SLC25A13: variants seen among roughly 807,000 people sequenced by gnomAD.
SLC25A13 encodes the protein electrogenic aspartate/glutamate antiporter SLC25A13, mitochondrial.
SLC25A13 carries 70 observed loss-of-function variants against 85.5 expected under a neutral mutation model. The ratio of observed to expected loss-of-function variants is 0.82; its 90% CI spans 0.68 to 1.00. SLC25A13 has a LOEUF of 1.00. Among genes scored for constraint, SLC25A13 ranks in the 50% least tolerant of loss-of-function variants. The pLI, the probability that SLC25A13 is intolerant of heterozygous loss-of-function variation, is 0.00. For synonymous variants in SLC25A13, 259 were observed against 288.7 expected (o/e 0.90, Z 1.04); for missense variants, 765 against 819.8 (o/e 0.93, Z 0.82).
At chr7:96,304,255 A>G (rs1302976013) in intron 1 of SLC25A13, among the ~76,000 whole-genome samples, 3 of 152,200 alleles carry the variant, frequency 2.0e-5, no homozygotes, top group African/African-American at 7.2e-5. Flanking sequence ...CTATGTAATC[A>G]GCTGGCAAAA....
At chr7:96,219,104 C>T (rs1304416854) in intron 4 of SLC25A13, among the ~76,000 whole-genome samples, 1 of 152,148 alleles carries the variant, frequency 6.6e-6, no homozygotes, top group African/African-American at 2.4e-5. Flanking sequence ...TTAATCACAG[C>T]TAAGGGTCTG....
chr7:96,183,956 T>C (rs1055109829), intron 11 of SLC25A13, among the ~76,000 whole-genome samples: 1 of 152,338 alleles, frequency 6.6e-6, no homozygotes, highest in East Asian at 1.9e-4. Flanking sequence ...TACCTTTCCC[T>C]GTTAGCTGGA....
chr7:96,312,574 G>C (rs1244422450), intron 1 of SLC25A13, among the ~76,000 whole-genome samples: 3 of 152,142 alleles, frequency 2.0e-5, no homozygotes, highest in Admixed American at 6.5e-5. Flanking sequence ...TGAGCTTCTT[G>C]AAAACAAATC....
intron 1 of SLC25A13, among the ~76,000 whole-genome samples, chr7:96,305,160 A>C (rs144572453): frequency 1.3e-5 from 2 of 152,198 alleles, no homozygotes; most frequent in African/African-American, 2.4e-5. Flanking sequence ...AAGCTGAGGT[A>C]CTAAAGAGTC....
At chr7:96,260,396 C>G (rs548478512) in intron 3 of SLC25A13, among the ~76,000 whole-genome samples, 9 of 152,102 alleles carry the variant, frequency 5.9e-5, no homozygotes, top group African/African-American at 1.9e-4. Context: ...AATTAAAACA[C>G]AAACATATAA....
At chr7:96,196,415 C>G (rs1038885191) in intron 5 of SLC25A13, among the ~76,000 whole-genome samples, 1 of 152,160 alleles carries the variant, frequency 6.6e-6, no homozygotes, top group South Asian at 2.1e-4. Flanking sequence ...TCTGGCAACC[C>G]CATCTCCTCA....
At chr7:96,266,911 A>T (rs1798059932) in intron 3 of SLC25A13, among the ~76,000 whole-genome samples, 1 of 152,218 alleles carries the variant, frequency 6.6e-6, no homozygotes, top group Non-Finnish European at 1.5e-5. Context: ...TCTGATGACT[A>T]AGAAGAAAAT....
intron 3 of SLC25A13, among the ~76,000 whole-genome samples, chr7:96,236,258 C>T (rs568888634): frequency 6.6e-6 from 1 of 152,168 alleles, no homozygotes; most frequent in Admixed American, 6.5e-5. Flanking sequence ...GCATGTGTTA[C>T]AGGGGAGTAC....
intron 14 of SLC25A13, among the ~76,000 whole-genome samples, chr7:96,137,952 T>C (rs1188204019): frequency 6.6e-6 from 1 of 152,214 alleles, no homozygotes; most frequent in Non-Finnish European, 1.5e-5. Context: ...TTACTTTGGC[T>C]GAAGTTTTAC....
In SLC25A13 at chr7:96,185,084, T is replaced by C. The variant is rs1026182853; in HGVS notation, c.934-73A>G. 8.2e-6 allele frequency: 10 copies of C among 1,213,082 alleles called. No homozygotes were observed. In the African/African-American group the frequency reaches 1.5e-4, roughly 18 times the overall value. 75.1% of individuals were successfully genotyped at this position (1,213,082 alleles called of 1,614,324 possible). ...AAAGAAGATAAAACAAAAATGACCA[T>C]ACATTAACTTTAAACATTACTCATT... On this transcript the variant is annotated intron_variant, in intron 9 of 17. Transcript: ENST00000265631.
At chr7:96,238,252 G>A (rs914852368) in intron 3 of SLC25A13, among the ~76,000 whole-genome samples, 1 of 152,034 alleles carries the variant, frequency 6.6e-6, no homozygotes, top group Non-Finnish European at 1.5e-5. Context: ...TCAAGCCAAG[G>A]AACACCAAAG....
chr7:96,192,419 G>C (rs1228057994), intron 6 of SLC25A13, among the ~76,000 whole-genome samples: 1 of 152,176 alleles, frequency 6.6e-6, no homozygotes, highest in Non-Finnish European at 1.5e-5. Context: ...AGAATCTGTA[G>C]TTTTAATAGT....
At chr7:96,202,765 T>C (rs947454041) in intron 5 of SLC25A13, among the ~76,000 whole-genome samples, 1 of 152,106 alleles carries the variant, frequency 6.6e-6, no homozygotes, top group African/African-American at 2.4e-5. Context: ...AGCTCTTACA[T>C]ATAAAGCACT....
At chr7:96,178,288 G>A (rs1384321021) in intron 11 of SLC25A13, among the ~76,000 whole-genome samples, 3 of 152,118 alleles carry the variant, frequency 2.0e-5, no homozygotes, top group South Asian at 4.1e-4. Context: ...GCTGGGCAAC[G>A]CTAGCAGGAC....
chr7:96,266,134 A>C (rs1798037037), intron 3 of SLC25A13, among the ~76,000 whole-genome samples: 1 of 152,224 alleles, frequency 6.6e-6, no homozygotes, highest in Admixed American at 6.5e-5. Context: ...TATTGCTTTT[A>C]GAAACCTCAG....
At chr7:96,243,710 GAA>G (rs930056938) in intron 3 of SLC25A13, among the ~76,000 whole-genome samples, 1 of 152,240 alleles carries the variant, frequency 6.6e-6, no homozygotes, top group African/African-American at 2.4e-5. Context: ...CAGCGGCCAG[GAA>G]AAGAGTTGGA....
intron 2 of SLC25A13, among the ~76,000 whole-genome samples, chr7:96,280,766 T>C (rs779789549): frequency 4.0e-5 from 6 of 151,626 alleles, no homozygotes; most frequent in Non-Finnish European, 7.4e-5. Context: ...ACCCCCAAGA[T>C]AACGAAAAAG....
intron 14 of SLC25A13, among the ~76,000 whole-genome samples, chr7:96,133,026 G>A (rs1251191342): frequency 1.3e-5 from 2 of 152,142 alleles, no homozygotes; most frequent in African/African-American, 4.8e-5. Flanking sequence ...ATTAACTCAA[G>A]TCTACTATAA....
In SLC25A13 at chr7:96,189,670, C is replaced by G. The variant is rs1262935827; in HGVS notation, c.759G>C (p.Glu253Asp). 1 of 1,612,540 alleles carries G rather than the reference C, an allele frequency of 6.2e-7. No homozygotes were observed. Among genetic ancestry groups the G allele is most frequent in the East Asian group, 2.2e-5 (1 of 44,784 alleles). Reference protein sequence around the residue: ...TRKDVEVTKEEFVLAAQKFGQ... With the variant: ...TRKDVEVTKEDFVLAAQKFGQ... Reference sequence around the variant, plus strand: ...CAAATTTCTGAGCTGCCAGAACAAACTCCTCTGTATGGAAGAAAAGTTAAA... The same window carrying G: ...CAAATTTCTGAGCTGCCAGAACAAAGTCCTCTGTATGGAAGAAAAGTTAAA... The change falls in exon 8 of 18, where the codon GAG becomes GAC. Residue 253 changes from glutamate to aspartate, a missense_variant. Physicochemically the swap from Glu to Asp is conservative, Grantham distance 45 (BLOSUM62 2). Coordinates refer to ENST00000265631, the MANE Select transcript of SLC25A13 (RefSeq NM_014251.3).
Sources: allele counts gnomAD v4.1 joint callset (sites outside exome capture counted in the v4.1 genomes callset), GRCh38; gene constraint gnomAD v4.1.1; transcripts MANE v1.5; gene names NCBI Gene and HGNC (gene_info 2026-07-23, HGNC 2026-07-21).